TOPAZ1: variants seen among roughly 807,000 people sequenced by gnomAD.
TOPAZ1 encodes the protein testis and ovary specific TOPAZ 1, also known as protein TOPAZ1.
In TOPAZ1, 66 loss-of-function variants were observed where a neutral mutation model predicts 172.2. The observed-to-expected ratio is 0.38, with a 90% CI of 0.31 to 0.47. The LOEUF is 0.47. Ranked by LOEUF, TOPAZ1 falls within the 20% of genes least tolerant of loss-of-function variation. The pLI is 0.99. For missense variants in TOPAZ1, 1,822 were observed against 1,972.4 expected, an observed-to-expected ratio of 0.92 and a Z score of 1.44; for synonymous variants, 681 against 683.9, an observed-to-expected ratio of 1.00 and a Z score of 0.07.
At chr3:44,273,062 G>C (rs1403900064) in intron 8 of TOPAZ1, among the ~76,000 whole-genome samples, 4 of 152,106 alleles carry the variant, frequency 2.6e-5, no homozygotes, top group African/African-American at 9.7e-5. Context: ...GCCCAGATAA[G>C]GCAAACACCT....
chr3:44,313,741 C>A (rs1423516377), intron 16 of TOPAZ1, among the ~76,000 whole-genome samples: 1 of 151,948 alleles, frequency 6.6e-6, no homozygotes, highest in African/African-American at 2.4e-5. Flanking sequence ...GTTAACAATT[C>A]CAGATGTTAG....
Position 44,321,008 on chromosome 3 carries a change from A to C in TOPAZ1, c.4307-19A>C. On this transcript the variant is annotated intron_variant, in intron 16 of 19. Coordinates refer to ENST00000309765, the MANE Select transcript of TOPAZ1 (RefSeq NM_001145030.2). ...CATTTTCATGGTATAAACTATTCAT[A>C]TTTTTTTCTTTTTGGAAGAGTCAGA... The C allele has an allele frequency of 6.7e-7, 1 of 1,494,944 alleles. No homozygotes were observed. 92.6% of individuals were successfully genotyped at this position (1,494,944 alleles called of 1,614,324 possible).
At position 44,281,958 on chromosome 3, in the gene TOPAZ1, A is replaced by T; in HGVS notation, c.3373-10A>T. 1 of 1,531,710 alleles carries T rather than the reference A, an allele frequency of 6.5e-7. No individual in the cohort carries two copies. The highest frequency in any genetic ancestry group is 1.4e-5 in the African/African-American group (1 of 72,338). The allele number at this position is 1,531,710 out of a possible 1,614,324, so 94.9% of individuals were successfully genotyped here. On this transcript the variant is annotated splice_polypyrimidine_tract_variant and intron_variant, in intron 8 of 19. Coordinates refer to ENST00000309765, the MANE Select transcript of TOPAZ1 (RefSeq NM_001145030.2). ...AAAAGGTAGTTTTACATTTTTCGTG[A>T]CTTTTGCAGGTTTGCATGGATGTGT...
intron 8 of TOPAZ1, among the ~76,000 whole-genome samples, chr3:44,279,913 T>A (rs1700003363): frequency 6.6e-6 from 1 of 152,200 alleles, no homozygotes; most frequent in African/African-American, 2.4e-5. Flanking sequence ...TTATTGCCTA[T>A]CTGTAGTGCT....
At chr3:44,277,701 G>T (rs114130706) in intron 8 of TOPAZ1, among the ~76,000 whole-genome samples, 1,725 of 152,252 alleles carry the variant, frequency 0.011, 31 homozygotes, top group African/African-American at 0.037. Context: ...TGGGTGATGG[G>T]GGTGGATCCT....
chr3:44,334,763 A>G (rs1412623381), downstream of TOPAZ1, among the ~76,000 whole-genome samples: 1 of 152,192 alleles, frequency 6.6e-6, no homozygotes, highest in Non-Finnish European at 1.5e-5. Context: ...CTTGGACATC[A>G]GCTTCCACTT....
chr3:44,269,081 G>A (rs1315980319), intron 6 of TOPAZ1, 135 bp from the exon 7 acceptor site: 1 of 645,578 alleles, frequency 1.5e-6, no homozygotes, highest in African/African-American at 1.9e-5. Context: ...ACACATGGCA[G>A]CACAGTCTGT....
At chr3:44,309,229 C>T (rs182289571) in intron 15 of TOPAZ1, among the ~76,000 whole-genome samples, 118 of 152,158 alleles carry the variant, frequency 7.8e-4, no homozygotes, top group African/African-American at 2.8e-3. Context: ...ACTTAGTCTA[C>T]GGAATTAAGA....
intron 17 of TOPAZ1, among the ~76,000 whole-genome samples, chr3:44,321,526 C>T (rs1700505987): frequency 6.6e-6 from 1 of 152,156 alleles, no homozygotes; most frequent in South Asian, 2.1e-4. Context: ...AAATACAGAA[C>T]TTAGTTTACA....
chr3:44,267,176 G>T, intron 6 of TOPAZ1, 40 bp downstream of exon 6: 1 of 1,421,084 alleles, frequency 7.0e-7, no homozygotes, highest in Non-Finnish European at 9.2e-7. Flanking sequence ...TTGGCTTTTG[G>T]TGATATAGAA....
chr3:44,323,614 A>G (rs1386839174), intron 18 of TOPAZ1, among the ~76,000 whole-genome samples: 1 of 152,242 alleles, frequency 6.6e-6, no homozygotes, highest in Admixed American at 6.5e-5. Flanking sequence ...ATGCAAGCAT[A>G]AAACAAGTGG....
intron 16 of TOPAZ1, among the ~76,000 whole-genome samples, chr3:44,312,842 A>C (rs546402023): frequency 6.6e-6 from 1 of 152,364 alleles, no homozygotes; most frequent in Non-Finnish European, 1.5e-5. Context: ...TTGAATTTTG[A>C]AATAACTTAT....
chr3:44,306,441 T>G lies in TOPAZ1; in HGVS notation c.4140+15T>G. 6.7e-7 allele frequency: 1 copy of G among 1,489,032 alleles called. No homozygotes were observed. The highest frequency in any genetic ancestry group is 9.1e-7 in the Non-Finnish European group (1 of 1,097,288). 92.2% of individuals were successfully genotyped at this position (1,489,032 alleles called of 1,614,324 possible). Reference sequence around the variant, plus strand: ...AGTGGTCCAAGGTACTTCATTAAGTTTTTGTCTTGGCTTGGTATAGAGACT... The same window carrying G: ...AGTGGTCCAAGGTACTTCATTAAGTGTTTGTCTTGGCTTGGTATAGAGACT... On this transcript the variant is annotated intron_variant, in intron 15 of 19. Coordinates refer to ENST00000309765, the MANE Select transcript of TOPAZ1 (RefSeq NM_001145030.2).
intron 11 of TOPAZ1, 50 bp downstream of exon 11, chr3:44,287,889 A>C: frequency 2.2e-6 from 2 of 928,322 alleles, no homozygotes; most frequent in Non-Finnish European, 3.2e-6. Context: ...AACCAAGAAA[A>C]TAATTGTTTC....
intron 12 of TOPAZ1, among the ~76,000 whole-genome samples, chr3:44,293,138 G>A (rs1166921635): frequency 1.3e-5 from 2 of 152,122 alleles, no homozygotes; most frequent in Non-Finnish European, 2.9e-5. Context: ...TATGTTTGTG[G>A]TGATACTAGT....
At chr3:44,264,051 C>T (rs987776212) in intron 5 of TOPAZ1, among the ~76,000 whole-genome samples, 3 of 152,146 alleles carry the variant, frequency 2.0e-5, no homozygotes, top group Non-Finnish European at 4.4e-5. Context: ...CATTTAATTG[C>T]ATTATCAGTA....
At position 44,243,354 on chromosome 3, in the gene TOPAZ1, CAG is replaced by C. The variant is rs1272898966; in HGVS notation, c.850_851del (p.Glu284ArgfsTer8). ...AATAGTATTCCTCAGCTCTTACAAA[CAG>C]AAGAAAATGTAATGGGAGTAAATAA... On this transcript the variant is annotated frameshift_variant, in exon 2 of 20. Transcript: ENST00000309765. LOFTEE classifies it high-confidence loss of function. 4 of 1,550,780 alleles carry C rather than the reference CAG, an allele frequency of 2.6e-6. No homozygotes were observed. The highest frequency in any genetic ancestry group is 2.0e-5 in the Admixed American group (1 of 50,878).
intron 5 of TOPAZ1, among the ~76,000 whole-genome samples, chr3:44,264,707 T>G (rs188535927): frequency 1.3e-5 from 2 of 152,346 alleles, no homozygotes; most frequent in Admixed American, 1.3e-4. Context: ...TCTTTCAAAA[T>G]CAGACTCAAT....
chr3:44,254,917 G>C, intron 2 of TOPAZ1, 51 bp from the exon 3 acceptor site: 1 of 1,364,156 alleles, frequency 7.3e-7, no homozygotes, highest in East Asian at 2.5e-5. Context: ...GAAGTGGATA[G>C]TTCTGCTTAG....
Sources: allele counts gnomAD v4.1 joint callset (sites outside exome capture counted in the v4.1 genomes callset), GRCh38; gene constraint gnomAD v4.1.1; transcripts MANE v1.5; gene names NCBI Gene and HGNC (gene_info 2026-07-23, HGNC 2026-07-21).